The following TNFRSF13B variants were observed in gnomAD, a reference collection of about 807,000 sequenced individuals.
TNFRSF13B encodes the protein tumor necrosis factor receptor superfamily member 13B.
A neutral mutation model predicts 24.0 loss-of-function variants in TNFRSF13B; 34 were observed. The observed-to-expected ratio is 1.41, with a 90% confidence interval of 1.08 to 1.88. TNFRSF13B has a LOEUF of 1.88. Ranked by LOEUF, TNFRSF13B falls within the 40% of genes most tolerant of loss-of-function variation. The pLI is 0.00. For missense variants in TNFRSF13B, 415 were observed against 380.8 expected, an observed-to-expected ratio of 1.09 and a Z score of -0.75; for synonymous variants, 173 against 150.3, an observed-to-expected ratio of 1.15 and a Z score of -1.10.
chr17:16,965,911 A>G (rs1452231229), intron 1 of TNFRSF13B, among the ~76,000 whole-genome samples: 1 of 152,228 alleles, frequency 6.6e-6, no homozygotes, highest in African/African-American at 2.4e-5. Flanking sequence ...CAAAATCTCT[A>G]AAAGAAAAGA....
At chr17:16,939,874 A>G in intron 4 of TNFRSF13B, 77 bp from the exon 5 acceptor site, 1 of 1,479,134 alleles carries the variant, frequency 6.8e-7, no homozygotes, top group Non-Finnish European at 9.0e-7. Flanking sequence ...GGGCAGCCGC[A>G]CTCTCCCCCG....
intron 1 of TNFRSF13B, among the ~76,000 whole-genome samples, chr17:16,965,740 G>A (rs971937180): frequency 2.2e-4 from 33 of 152,178 alleles, no homozygotes; most frequent in African/African-American, 8.0e-4. Context: ...AAGTGACTGG[G>A]CCAGAAACGA....
chr17:16,940,518 G>C lies in TNFRSF13B; in HGVS notation c.446-7C>G, dbSNP rs762783797. 2.5e-6 allele frequency: 4 copies of C among 1,612,518 alleles called. No homozygotes were observed. Among genetic ancestry groups the C allele is most frequent in the Non-Finnish European group, 3.4e-6 (4 of 1,179,836 alleles). On this transcript the variant is annotated splice_region_variant and splice_polypyrimidine_tract_variant and intron_variant, in intron 3 of 4. Transcript: ENST00000261652. Reference sequence around the variant, plus strand: ...AGCTTCAGCCCCGGGAGAGCTGCAAGACAGCATGAGACCCCTCTCTGCAGT... The same window carrying C: ...AGCTTCAGCCCCGGGAGAGCTGCAACACAGCATGAGACCCCTCTCTGCAGT...
At chr17:16,943,368 G>A (rs1356002613) in intron 3 of TNFRSF13B, among the ~76,000 whole-genome samples, 1 of 152,200 alleles carries the variant, frequency 6.6e-6, no homozygotes, top group African/African-American at 2.4e-5. Context: ...CTTATTCCCA[G>A]AAGGGGTCAC....
At chr17:16,955,059 G>A (rs2143666672) in intron 1 of TNFRSF13B, among the ~76,000 whole-genome samples, 1 of 152,302 alleles carries the variant, frequency 6.6e-6, no homozygotes, top group East Asian at 1.9e-4. Flanking sequence ...AGACCCAGAG[G>A]CACTGACAGC....
chr17:16,957,010 A>G (rs780452167), intron 1 of TNFRSF13B, among the ~76,000 whole-genome samples: 3 of 152,054 alleles, frequency 2.0e-5, no homozygotes, highest in Non-Finnish European at 4.4e-5. Flanking sequence ...CGGACTTTAA[A>G]TGATAACGAC....
In TNFRSF13B at chr17:16,952,563, C is replaced by G. The variant is rs1205656896; in HGVS notation, c.82G>C (p.Gly28Arg). 6.2e-7 allele frequency: 1 copy of G among 1,614,214 alleles called. No homozygotes were observed. The highest frequency in any genetic ancestry group is 1.3e-5 in the African/African-American group (1 of 75,066). ...EERFPQGLWT[G>R]VAMRSCPEEQ... ...TCGGGGCAGGATCTCATAGCCACCC[C>G]CGTCCACAGGCCCTGTGGAACTGAG... The change falls in exon 2 of 5, where the codon GGG (glycine) becomes CGG (arginine). Residue 28 changes from glycine to arginine, a missense_variant. Physicochemically the swap from Gly to Arg is moderately radical, Grantham distance 125. Transcript: ENST00000261652.
chr17:16,948,196 CAGAG>C lies in TNFRSF13B; in HGVS notation c.445+538_445+541del, dbSNP rs377677591. 2.6e-5 allele frequency among the ~76,000 whole-genome samples: 4 copies of C among 151,928 alleles called. No homozygotes were observed. The South Asian group carries it at 8.3e-4, about 32-fold the overall frequency. Reference sequence around the variant, plus strand: ...ACTGGGGCCTACTAGAAGGGGGAGGCAGAGAGAGAGGGCAAGGGCTGAAAAACTA... The same window carrying C: ...ACTGGGGCCTACTAGAAGGGGGAGGCAGAGAGGGCAAGGGCTGAAAAACTA... On this transcript the variant is annotated intron_variant, in intron 3 of 4. Coordinates refer to ENST00000261652, the MANE Select transcript of TNFRSF13B (RefSeq NM_012452.3).
In TNFRSF13B at chr17:16,952,475, T is replaced by A. The variant is rs1330654104; in HGVS notation, c.170A>T (p.Gln57Leu). Reference protein sequence around the residue: ...CMSCKTICNHQSQRTCAAFCR... With the variant: ...CMSCKTICNHLSQRTCAAFCR... ...GAAGGCTGCACAGGTGCGCTGGCTCTGATGGTTGCAAATGGTTTTGCAGGA... is the reference window on the plus strand; with the variant it reads ...GAAGGCTGCACAGGTGCGCTGGCTCAGATGGTTGCAAATGGTTTTGCAGGA... The change falls in exon 2 of 5, where the codon CAG (glutamine) becomes CTG (leucine). Residue 57 changes from glutamine to leucine, a missense_variant. Gln to Leu is a moderately radical substitution (Grantham distance 113). Transcript: ENST00000261652. 6 of 1,614,054 alleles carry A rather than the reference T, an allele frequency of 3.7e-6. No individual in the cohort carries two copies. The highest frequency in any genetic ancestry group is 5.1e-6 in the Non-Finnish European group (6 of 1,180,012).
rs72553877 is a variant in TNFRSF13B, at chr17:16,948,923, A to T, written c.260T>A (p.Ile87Asn). ...CTGTCCACAGATGGAGGCACAGCTG[A>T]TGCAGTCCCTCAGGAGATGGTCATA... Reference protein sequence around the residue: ...KFYDHLLRDCISCASICGQHP... With the variant: ...KFYDHLLRDCNSCASICGQHP... Residue 87 changes from isoleucine to asparagine, a missense_variant, in exon 3 of 5, where the codon ATC becomes AAC. Transcript: ENST00000261652. 771 of 1,614,204 alleles carry T rather than the reference A, an allele frequency of 4.8e-4. No homozygotes were observed. The highest frequency in any genetic ancestry group is 5.8e-4 in the Non-Finnish European group (684 of 1,180,018).
chr17:16,962,269 G>A (rs1005169642), intron 1 of TNFRSF13B, among the ~76,000 whole-genome samples: 1 of 152,184 alleles, frequency 6.6e-6, no homozygotes, highest in Non-Finnish European at 1.5e-5. Context: ...CACTTTGGGA[G>A]ACCAAGGCAG....
At chr17:16,958,848 A>G (rs2087642659) in intron 1 of TNFRSF13B, among the ~76,000 whole-genome samples, 1 of 152,204 alleles carries the variant, frequency 6.6e-6, no homozygotes, top group Middle Eastern at 3.4e-3. Flanking sequence ...GGAGTAATAG[A>G]TAGTCCTACA....
chr17:16,971,315 C>T (rs909255650), intron 1 of TNFRSF13B, among the ~76,000 whole-genome samples: 2 of 152,044 alleles, frequency 1.3e-5, no homozygotes, highest in East Asian at 3.9e-4. Context: ...TGCCATTGCA[C>T]TCCAACCTGG....
chr17:16,942,198 T>G (rs2087515815), intron 3 of TNFRSF13B, among the ~76,000 whole-genome samples: 2 of 152,190 alleles, frequency 1.3e-5, no homozygotes, highest in African/African-American at 4.8e-5. Context: ...CATCTGCCGT[T>G]CACACTCCAT....
intron 1 of TNFRSF13B, among the ~76,000 whole-genome samples, chr17:16,960,076 GTT>G (rs1341251047): frequency 1.3e-5 from 2 of 151,918 alleles, no homozygotes; most frequent in Non-Finnish European, 2.9e-5. Flanking sequence ...CACATGAAAA[GTT>G]TATTCACCAT....
At chr17:16,967,751 CAA>C (rs975103327) in intron 1 of TNFRSF13B, among the ~76,000 whole-genome samples, 1 of 24,506 alleles carries the variant, frequency 4.1e-5, no homozygotes, top group African/African-American at 1.1e-4. Flanking sequence ...GACTCCGTCT[CAA>C]AAAAAAAAAA....
rs1300377954 is a variant in TNFRSF13B at position 16,939,441 on chromosome 17, T to G, written c.*106A>C. 3 of 1,334,320 alleles carry G rather than the reference T, an allele frequency of 2.2e-6. No individual in the cohort carries two copies. Among genetic ancestry groups the G allele is most frequent in the Non-Finnish European group, 3.0e-6 (3 of 985,980 alleles). The allele number at this position is 1,334,320 out of a possible 1,614,324, so 82.7% of individuals were successfully genotyped here. ...TCCTCTGTTTCTCTCCCTCTCTGCC[T>G]CCTCTGTCTCTCTCTCCTCATATCT... On this transcript the variant is annotated 3_prime_UTR_variant, in exon 5 of 5. Coordinates refer to ENST00000261652, the MANE Select transcript of TNFRSF13B (RefSeq NM_012452.3).
intron 1 of TNFRSF13B, among the ~76,000 whole-genome samples, chr17:16,970,736 C>A (rs1477850607): frequency 6.6e-6 from 1 of 152,222 alleles, no homozygotes; most frequent in African/African-American, 2.4e-5. Context: ...GGTCACAGTT[C>A]TAGCTGGGTC....
chr17:16,940,229 C>T, intron 4 of TNFRSF13B, 97 bp downstream of exon 4: 1 of 1,609,716 alleles, frequency 6.2e-7, no homozygotes, highest in Non-Finnish European at 8.5e-7. Context: ...CTGGGCCTCT[C>T]CACCTAGAAG....
Sources: gnomAD v4.1 joint callset for allele counts (sites outside exome capture counted in the v4.1 genomes callset) on GRCh38, gnomAD v4.1.1 for gene constraint, MANE v1.5 for transcripts, NCBI Gene and HGNC (gene_info 2026-07-23, HGNC 2026-07-21) for gene names.